The following CD33 variants were observed in gnomAD, a reference collection of about 807,000 sequenced individuals.
The protein encoded by CD33 is myeloid cell surface antigen CD33.
Under a neutral mutation model 31.4 loss-of-function variants are expected in CD33, and 25 were observed. The observed-to-expected ratio is 0.80, with a 90% CI of 0.58 to 1.11. CD33 has a LOEUF of 1.11. Ranked by LOEUF, CD33 falls within the 50% of genes most tolerant of loss-of-function variation. The probability of loss-of-function intolerance (pLI) is 0.00; values close to 1 mark genes in which losing one functional copy is unlikely to be tolerated. For synonymous variants in CD33, 176 were observed against 180.6 expected (o/e 0.97, Z 0.20); for missense variants, 407 against 448.1 (o/e 0.91, Z 0.83).
upstream of CD33, among the ~76,000 whole-genome samples, chr19:51,221,634 A>T (rs1260963998): frequency 2.0e-5 from 3 of 152,322 alleles, no homozygotes; most frequent in East Asian, 5.8e-4. Flanking sequence ...AGGACCAGGC[A>T]CCTGACTCCT....
chr19:51,215,337 C>A, the CD33 span, among the ~76,000 whole-genome samples: 2 of 152,156 alleles, frequency 1.3e-5, no homozygotes, highest in Non-Finnish European at 2.9e-5. Context: ...TTTCTGTTCT[C>A]ATAAAGAAGA....
chr19:51,215,264 T>A, the CD33 span, among the ~76,000 whole-genome samples: 1 of 152,142 alleles, frequency 6.6e-6, no homozygotes, highest in Non-Finnish European at 1.5e-5. Context: ...GAATTCCACA[T>A]GGTTCATTTG....
chr19:51,235,162 CAA>C lies in CD33; in HGVS notation c.752_753del (p.Gln251ArgfsTer47). On this transcript the variant is annotated frameshift_variant, in exon 5 of 7. Coordinates refer to ENST00000262262, the MANE Select transcript of CD33 (RefSeq NM_001772.4). LOFTEE classifies it high-confidence loss of function. The stretch of plus-strand genomic sequence containing the variant: ...CAAATCTTTTTTGTCTGCAGGGAAA[CAA>C]GAGACCAGAGCAGGAGTGGTTCATG... ...GIFPGDGSGKQETRAGVVHGA... is the reference protein window; with the variant it reads ...GIFPGDGSGKXETRAGVVHGA... 1 of 1,613,630 alleles carries C rather than the reference CAA, an allele frequency of 6.2e-7. No individual in the cohort carries two copies. Among genetic ancestry groups the C allele is most frequent in the Non-Finnish European group, 8.5e-7 (1 of 1,179,528 alleles).
chr19:51,228,879 T>C (rs1981219867), intron 4 of CD33, among the ~76,000 whole-genome samples: 1 of 152,326 alleles, frequency 6.6e-6, no homozygotes, highest in Admixed American at 6.5e-5. Context: ...CTTTCCAGTT[T>C]GGATGGTTTT....
At chr19:51,233,962 T>C (rs1445954219) in intron 4 of CD33, among the ~76,000 whole-genome samples, 1 of 152,168 alleles carries the variant, frequency 6.6e-6, no homozygotes, top group African/African-American at 2.4e-5. Flanking sequence ...ATTGCCTTGG[T>C]CCTTTCTTGT....
chr19:51,232,853 T>G (rs1333825472), intron 4 of CD33, among the ~76,000 whole-genome samples: 1 of 152,256 alleles, frequency 6.6e-6, no homozygotes, highest in Non-Finnish European at 1.5e-5. Flanking sequence ...GGGGCATATC[T>G]GCTGGAGGTG....
chr19:51,229,731 GTGACATC>G (rs1262974783), intron 4 of CD33, among the ~76,000 whole-genome samples: 2 of 151,958 alleles, frequency 1.3e-5, no homozygotes, highest in African/African-American at 4.8e-5. Context: ...GGTAACCATT[GTGACATC>G]TTCTTTTTTA....
Position 51,226,021 on chromosome 19 carries a change from C to G in CD33, c.637C>G (p.Gln213Glu), listed in dbSNP as rs2123192643. The change falls in exon 3 of 7, where the codon CAG becomes GAG. Residue 213 changes from glutamine (Q) to glutamate (E), a missense_variant. Physicochemically the swap from Gln to Glu is conservative, Grantham distance 29. Coordinates refer to ENST00000262262, the MANE Select transcript of CD33 (RefSeq NM_001772.4). ...GGACCACGGCACCAACCTGACCTGT[C>G]AGGTGAAGTTCGCTGGAGCTGGTGT... ...PQDHGTNLTC[Q>E]VKFAGAGVTT... 1 of 1,614,118 alleles carries G rather than the reference C, an allele frequency of 6.2e-7. No homozygotes were observed. The highest frequency in any genetic ancestry group is 1.1e-5 in the South Asian group (1 of 91,076).
intron 6 of CD33, chr19:51,236,559 C>G (rs1981819824): frequency 6.6e-6 from 1 of 152,404 alleles, no homozygotes; most frequent in South Asian, 2.1e-4. Flanking sequence ...CTCTAGAAAT[C>G]TACTATCCTT....
Position 51,235,248 on chromosome 19 carries a change from C to T in CD33, c.837C>T (p.Phe279=). The T allele has an allele frequency of 6.2e-7, 1 of 1,613,770 alleles. No individual in the cohort carries two copies. Among genetic ancestry groups the T allele is most frequent in the Non-Finnish European group, 8.5e-7 (1 of 1,179,700 alleles). ...TCGCTCTTTGTCTCTGCCTCATCTTCTTCATGTGAGCATTTTCTCTGGGTC... is the reference window on the plus strand; with the variant it reads ...TCGCTCTTTGTCTCTGCCTCATCTTTTTCATGTGAGCATTTTCTCTGGGTC... ...ALLALCLCLI[F]FIVKTHRRKA... The change falls in exon 5 of 7, where the codon TTC becomes TTT. Residue 279 remains phenylalanine, a synonymous_variant. Transcript: ENST00000262262.
At chr19:51,235,329 C>A in intron 5 of CD33, 76 bp downstream of exon 5, 1 of 1,412,800 alleles carries the variant, frequency 7.1e-7, no homozygotes, top group Non-Finnish European at 1.0e-6. Context: ...CCTGGAGGGG[C>A]TGTGAGGGCT....
chr19:51,234,954 A>G (rs901561791), intron 4 of CD33, among the ~76,000 whole-genome samples: 2 of 152,074 alleles, frequency 1.3e-5, no homozygotes, highest in African/African-American at 4.8e-5. Context: ...CACCAGAGAG[A>G]GAGGGTGGGA....
chr19:51,211,101 C>A, the CD33 span: 1 of 1,561,562 alleles, frequency 6.4e-7, no homozygotes, highest in Non-Finnish European at 8.8e-7. Context: ...GAAGCCTCTG[C>A]CTCAGACATG....
chr19:51,225,854 A>G lies in CD33; in HGVS notation c.470A>G (p.His157Arg). The G allele has an allele frequency of 1.2e-6, 2 of 1,613,266 alleles. No homozygotes were observed. Among genetic ancestry groups the G allele is most frequent in the Non-Finnish European group, 1.7e-6 (2 of 1,179,626 alleles). Reference sequence around the variant, plus strand: ...ATCCCTGGCACTCTAGAACCCGGCCACTCCAAAAACCTGACCTGCTCTGTG... The same window carrying G: ...ATCCCTGGCACTCTAGAACCCGGCCGCTCCAAAAACCTGACCTGCTCTGTG... Reference protein sequence around the residue: ...ILIPGTLEPGHSKNLTCSVSW... With the variant: ...ILIPGTLEPGRSKNLTCSVSW... The change falls in exon 3 of 7, where the codon CAC (histidine) becomes CGC (arginine). Residue 157 changes from histidine to arginine, a missense_variant. Coordinates refer to ENST00000262262, the MANE Select transcript of CD33 (RefSeq NM_001772.4).
rs775774290 is a variant in CD33, at chr19:51,235,651, A to C, written c.899A>C (p.His300Pro). The C allele has an allele frequency of 1.1e-5, 18 of 1,613,212 alleles. No individual in the cohort carries two copies. Among genetic ancestry groups the C allele is most frequent in the African/African-American group, 1.3e-5 (1 of 74,804 alleles). The change falls in exon 6 of 7, where the codon CAC becomes CCC. Residue 300 changes from histidine (H) to proline (P), a missense_variant. By Grantham distance (77) the His-to-Pro change is moderately conservative. Transcript: ENST00000262262. ...ARTAVGRNDT[H>P]PTTGSASPKH... is the part of the protein sequence containing the mutation. Reference sequence around the variant, plus strand: ...ACAGCAGTGGGCAGGAATGACACCCACCCTACCACAGGGTCAGCCTCCCCG... The same window carrying C: ...ACAGCAGTGGGCAGGAATGACACCCCCCCTACCACAGGGTCAGCCTCCCCG...
At chr19:51,211,487 T>G in the CD33 span, 1 of 1,560,514 alleles carries the variant, frequency 6.4e-7, no homozygotes, top group East Asian at 2.2e-5. Context: ...CTGAGCATCG[T>G]AGACGCCAGG....
chr19:51,211,827 A>G, the CD33 span: 3 of 997,130 alleles, frequency 3.0e-6, no homozygotes, highest in Non-Finnish European at 4.8e-6. Context: ...CATCCCGAGG[A>G]CCCTGGAATC....
At chr19:51,235,003 T>A (rs377728550) in intron 4 of CD33, among the ~76,000 whole-genome samples, 154 bp from the exon 5 acceptor site, 10 of 152,168 alleles carry the variant, frequency 6.6e-5, no homozygotes, top group Admixed American at 2.0e-4. Context: ...CATCTCATGG[T>A]CGTGGTCAAT....
intron 6 of CD33, chr19:51,238,684 GCTGGAGGAAGATCT>G (rs1981966164): frequency 6.6e-6 from 1 of 152,218 alleles, no homozygotes; most frequent in Non-Finnish European, 1.5e-5. Flanking sequence ...TGATTTTTCT[GCTGGAGGAAGATCT>G]CTTGACTAGA....
Sources: allele counts gnomAD v4.1 joint callset (sites outside exome capture counted in the v4.1 genomes callset), GRCh38; gene constraint gnomAD v4.1.1; transcripts MANE v1.5; gene names NCBI Gene and HGNC (gene_info 2026-07-23, HGNC 2026-07-21).